The following SAMD9L variants were observed in gnomAD, a reference collection of about 807,000 sequenced individuals.
SAMD9L encodes the protein sterile alpha motif domain-containing protein 9-like.
A neutral mutation model predicts 90.7 loss-of-function variants in SAMD9L; 68 were observed. That is an observed-to-expected ratio of 0.75 (90% confidence interval 0.62 to 0.92). SAMD9L has a LOEUF of 0.92. SAMD9L is among the 40% of genes least tolerant of loss of function. The pLI is 0.00. For missense variants in SAMD9L, 1,604 were observed against 1,824.3 expected, an observed-to-expected ratio of 0.88 and a Z score of 2.20; for synonymous variants, 640 against 630.1, an observed-to-expected ratio of 1.02 and a Z score of -0.23.
Position 93,131,665 on chromosome 7 carries a change from G to A in SAMD9L, c.4307C>T (p.Pro1436Leu). The A allele has an allele frequency of 6.2e-7, 1 of 1,613,772 alleles. No individual in the cohort carries two copies. The highest frequency in any genetic ancestry group is 8.5e-7 in the Non-Finnish European group (1 of 1,179,844). Reference sequence around the variant, plus strand: ...ATCTTGATCTAGCTCTTGATTTTCTGGCCAGAACAGGAGGCAGGCCAAGAA... The same window carrying A: ...ATCTTGATCTAGCTCTTGATTTTCTAGCCAGAACAGGAGGCAGGCCAAGAA... ...PYFLACLLFW[P>L]ENQELDQDSK... is the part of the protein sequence containing the mutation. The change falls in exon 5 of 5, where the codon CCA becomes CTA. Residue 1436 changes from proline (P) to leucine (L), a missense_variant. This residue lies in a region of SAMD9L where 282 missense variants were observed against 329.6 expected (regional missense o/e 0.86). Transcript: ENST00000318238.
chr7:93,144,408 G>A (rs1229020200), intron 4 of SAMD9L, among the ~76,000 whole-genome samples: 1 of 151,992 alleles, frequency 6.6e-6, no homozygotes. Flanking sequence ...CAATAAATAC[G>A]GTATAACAAC....
Position 93,135,580 on chromosome 7 carries a change from T to C in SAMD9L, c.392A>G (p.Gln131Arg), listed in dbSNP as rs763991136. 6.2e-7 allele frequency: 1 copy of C among 1,613,980 alleles called. No homozygotes were observed. Among genetic ancestry groups the C allele is most frequent in the South Asian group, 1.1e-5 (1 of 91,080 alleles). Residue 131 changes from glutamine (Q) to arginine (R), a missense_variant, in exon 5 of 5, where the codon CAA (glutamine) becomes CGA (arginine). Coordinates refer to ENST00000318238, the MANE Select transcript of SAMD9L (RefSeq NM_152703.5). ...YDPREIRDIKQEESILMKENV... is the reference protein window; with the variant it reads ...YDPREIRDIKREESILMKENV... ...TTCTTTCATAAGAATTGATTCTTCTTGTTTGATATCTCTGATCTCTCTGGG... is the reference window on the plus strand; with the variant it reads ...TTCTTTCATAAGAATTGATTCTTCTCGTTTGATATCTCTGATCTCTCTGGG...
At chr7:93,141,403 A>C (rs1286418094) in intron 4 of SAMD9L, among the ~76,000 whole-genome samples, 1 of 152,180 alleles carries the variant, frequency 6.6e-6, no homozygotes, top group African/African-American at 2.4e-5. Context: ...CATGATGTCC[A>C]TATATCTGCC....
chr7:93,146,314 A>G (rs1792888526), intron 2 of SAMD9L, among the ~76,000 whole-genome samples: 1 of 152,170 alleles, frequency 6.6e-6, no homozygotes, highest in African/African-American at 2.4e-5. Flanking sequence ...TCTTTTGTCA[A>G]ATGTCACCTT....
At chr7:93,148,104 A>G (rs1792962755) in intron 1 of SAMD9L, 90 bp downstream of exon 1, 1 of 152,238 alleles carries the variant, frequency 6.6e-6, no homozygotes, top group South Asian at 2.1e-4. Context: ...ACAAACATAT[A>G]TTTATATAAA....
Position 93,132,237 on chromosome 7 carries a change from T to C in SAMD9L, c.3735A>G (p.Glu1245=). Residue 1245 remains glutamate (E), a synonymous_variant, in exon 5 of 5, where the codon GAA becomes GAG. Coordinates refer to ENST00000318238, the MANE Select transcript of SAMD9L (RefSeq NM_152703.5). ...KWTIPPDPRN[E]CYLALSKFTS... ...TGAACTTGCTAAGAGCCAAATAACA[T>C]TCATTTCTGGGATCAGGAGGAATGG... The C allele has an allele frequency of 6.2e-7, 1 of 1,613,810 alleles. No homozygotes were observed. The highest frequency in any genetic ancestry group is 1.1e-5 in the South Asian group (1 of 91,070).
At chr7:93,144,246 A>G (rs756679380) in intron 4 of SAMD9L, among the ~76,000 whole-genome samples, 4 of 152,186 alleles carry the variant, frequency 2.6e-5, no homozygotes, top group Non-Finnish European at 4.4e-5. Flanking sequence ...ATTTTGAAAC[A>G]CAGAGTTCTC....
In SAMD9L at chr7:93,133,079, C is replaced by T. The variant is rs1354035474; in HGVS notation, c.2893G>A (p.Gly965Arg). 2 of 1,613,012 alleles carry T rather than the reference C, an allele frequency of 1.2e-6. No homozygotes were observed. Among genetic ancestry groups the T allele is most frequent in the Non-Finnish European group, 1.7e-6 (2 of 1,179,384 alleles). The change falls in exon 5 of 5, where the codon GGA becomes AGA. Residue 965 changes from glycine to arginine, a missense_variant. By Grantham distance (125) the Gly-to-Arg change is moderately radical. This residue lies in a region of SAMD9L where 606 missense variants were observed against 717.6 expected (regional missense o/e 0.84). Coordinates refer to ENST00000318238, the MANE Select transcript of SAMD9L (RefSeq NM_152703.5). ...WEPESLEDKM[G>R]TYSTLLIKTE... The stretch of plus-strand genomic sequence containing the variant: ...TTTATTAGAAGTGTAGAATAAGTTC[C>T]CATCTTGTCTTCTAAGCTTTCAGGT...
At chr7:93,143,702 C>T (rs1386385357) in intron 4 of SAMD9L, among the ~76,000 whole-genome samples, 1 of 152,150 alleles carries the variant, frequency 6.6e-6, no homozygotes, top group African/African-American at 2.4e-5. Context: ...CCATTGGTAG[C>T]TGAGAATATA....
At position 93,133,760 on chromosome 7, in the gene SAMD9L, T is replaced by A. The variant is rs1283101597; in HGVS notation, c.2212A>T (p.Asn738Tyr). Reference protein sequence around the residue: ...SPKPIFAKIINLYHHPGCGGT... With the variant: ...SPKPIFAKIIYLYHHPGCGGT... The stretch of plus-strand genomic sequence containing the variant: ...CCACAGCCTGGATGATGATAAAGAT[T>A]GATGATTTTTGCAAATATTGGTTTA... Residue 738 changes from asparagine (N) to tyrosine (Y), a missense_variant, in exon 5 of 5, where the codon AAT (asparagine) becomes TAT (tyrosine). Physicochemically the swap from Asn to Tyr is moderately radical, Grantham distance 143 (BLOSUM62 -2). Coordinates refer to ENST00000318238, the MANE Select transcript of SAMD9L (RefSeq NM_152703.5). 6.2e-7 allele frequency: 1 copy of A among 1,613,864 alleles called. No homozygotes were observed. Among genetic ancestry groups the A allele is most frequent in the Admixed American group, 1.7e-5 (1 of 60,002 alleles).
rs770550283 is a variant in SAMD9L at position 93,131,958 on chromosome 7, A to G, written c.4014T>C (p.Asp1338=). 7 of 1,612,676 alleles carry G rather than the reference A, an allele frequency of 4.3e-6. No individual in the cohort carries two copies. The East Asian group carries it at 1.1e-4, about 26-fold the overall frequency. Residue 1338 remains aspartate (D), a synonymous_variant, in exon 5 of 5, where the codon GAT becomes GAC. Transcript: ENST00000318238. ...GATATTCCAAGAGTCCAGCAAACCT[A>G]TCTGCTCTCAGAGCTTCTAGCTTTT... ...CRKKLEALRA[D]RFAGLLEYLN... is the part of the protein sequence containing the mutation.
Position 93,131,578 on chromosome 7 carries a change from C to G in SAMD9L, c.4394G>C (p.Arg1465Pro), listed in dbSNP as rs190393069. 1 of 1,613,896 alleles carries G rather than the reference C, an allele frequency of 6.2e-7. No homozygotes were observed. Among genetic ancestry groups the G allele is most frequent in the Admixed American group, 1.7e-5 (1 of 59,976 alleles). Residue 1465 changes from arginine (R) to proline (P), a missense_variant, in exon 5 of 5, where the codon CGC (arginine) becomes CCC (proline). Arg to Pro is a moderately radical substitution (Grantham distance 103, BLOSUM62 -2). Around this residue, in one of 7 missense-constraint regions of SAMD9L, gnomAD observed 282 missense variants for 329.6 expected, o/e 0.86. Transcript: ENST00000318238. ...GCTTGCCTGCTTGGACCTGCACATG[C>G]GCTTGTACTGTCCCCTGAAGGATCT... ...LNRSFRGQYK[R>P]MCRSKQASTL...
In SAMD9L at chr7:93,133,585, A is replaced by C. The variant is rs774643105; in HGVS notation, c.2387T>G (p.Ile796Ser). The change falls in exon 5 of 5, where the codon ATT (isoleucine) becomes AGT (serine). Residue 796 changes from isoleucine (I) to serine (S), a missense_variant. By Grantham distance (142) the Ile-to-Ser change is moderately radical (BLOSUM62 -2). Transcript: ENST00000318238. ...ATCATCCACAAGGAGAAGCACAGGA[A>C]TGTAATCCTGATGGCTCTTTGCCCT... is the stretch of plus-strand genomic sequence containing the variant. The part of the protein sequence containing the change: ...TYRAKSHQDY[I>S]PVLLLVDDFE... 43 of 1,613,702 alleles carry C rather than the reference A, an allele frequency of 2.7e-5. No individual in the cohort carries two copies. In the Admixed American group the frequency reaches 7.2e-4, roughly 27 times the overall value.
chr7:93,148,080 G>C (rs1792961551), intron 1 of SAMD9L, 114 bp downstream of exon 1: 1 of 152,122 alleles, frequency 6.6e-6, no homozygotes, highest in South Asian at 2.1e-4. Context: ...ATTTTTATAA[G>C]TAATCGTTTA....
At chr7:93,142,401 T>C (rs1792728339) in intron 4 of SAMD9L, among the ~76,000 whole-genome samples, 1 of 152,220 alleles carries the variant, frequency 6.6e-6, no homozygotes, top group African/African-American at 2.4e-5. Context: ...GTGAAACAAT[T>C]GAATTGTATT....
chr7:93,146,437 T>C (rs1792894592), intron 2 of SAMD9L, among the ~76,000 whole-genome samples: 1 of 152,218 alleles, frequency 6.6e-6, no homozygotes, highest in Admixed American at 6.5e-5. Flanking sequence ...AAGCAGCAAA[T>C]ATTTTATATA....
rs775398796 is a variant in SAMD9L, at chr7:93,131,170, C to T, written c.*47G>A. ...TGAGAATAGAGAGAGAGAATAAAATCATAAAGATATAAATAAACGTATTTG... is the reference window on the plus strand; with the variant it reads ...TGAGAATAGAGAGAGAGAATAAAATTATAAAGATATAAATAAACGTATTTG... On this transcript the variant is annotated 3_prime_UTR_variant, in exon 5 of 5. Transcript: ENST00000318238. The T allele has an allele frequency of 5.3e-5, 59 of 1,120,100 alleles. No individual in the cohort carries two copies. The highest frequency in any genetic ancestry group is 6.8e-5 in the Non-Finnish European group (54 of 797,044). The allele number at this position is 1,120,100 out of a possible 1,614,324, so 69.4% of individuals were successfully genotyped here.
At chr7:93,137,895 T>G (rs73218013) in intron 4 of SAMD9L, among the ~76,000 whole-genome samples, 3,805 of 152,186 alleles carry the variant, frequency 0.025, 79 homozygotes, top group Non-Finnish European at 0.039. Flanking sequence ...GGCTTCAGCT[T>G]GCAGCCCTGT....
chr7:93,133,736 C>T lies in SAMD9L; in HGVS notation c.2236G>A (p.Gly746Arg). Reference sequence around the variant, plus strand: ...ACATGCATAGCCAGTGTGGTACCTCCACAGCCTGGATGATGATAAAGATTG... The same window carrying T: ...ACATGCATAGCCAGTGTGGTACCTCTACAGCCTGGATGATGATAAAGATTG... ...IINLYHHPGC[G>R]GTTLAMHVLW... Residue 746 changes from glycine (G) to arginine (R), a missense_variant, in exon 5 of 5, where the codon GGA becomes AGA. By Grantham distance (125) the Gly-to-Arg change is moderately radical (BLOSUM62 -2). Coordinates refer to ENST00000318238, the MANE Select transcript of SAMD9L (RefSeq NM_152703.5). 6.2e-7 allele frequency: 1 copy of T among 1,613,746 alleles called. No homozygotes were observed. The highest frequency in any genetic ancestry group is 8.5e-7 in the Non-Finnish European group (1 of 1,179,864).
Sources: gnomAD v4.1 joint callset for allele counts (sites outside exome capture counted in the v4.1 genomes callset) on GRCh38, gnomAD v4.1.1 for gene constraint, gnomAD v4.1.1 regional missense constraint, MANE v1.5 for transcripts, NCBI Gene and HGNC (gene_info 2026-07-23, HGNC 2026-07-21) for gene names.